The following ST14 variants were observed in gnomAD, a reference collection of about 807,000 sequenced individuals.
ST14 encodes the protein ST14 transmembrane serine protease matriptase.
A neutral mutation model predicts 96.5 loss-of-function variants in ST14; 40 were observed. That is an observed-to-expected ratio of 0.41 (90% CI 0.32 to 0.54). The LOEUF (loss-of-function observed/expected upper bound fraction) is 0.54. Ranked by LOEUF, ST14 falls within the 20% of genes least tolerant of loss-of-function variation. The probability of loss-of-function intolerance (pLI) is 0.17; values close to 1 mark genes in which losing one functional copy is unlikely to be tolerated. For missense variants in ST14, 1,066 were observed against 1,188.9 expected, an observed-to-expected ratio of 0.90 and a Z score of 1.52; for synonymous variants, 506 against 492.1, an observed-to-expected ratio of 1.03 and a Z score of -0.37.
At chr11:130,160,623 G>A (rs903676255) in intron 1 of ST14, among the ~76,000 whole-genome samples, 1 of 152,208 alleles carries the variant, frequency 6.6e-6, no homozygotes, top group Non-Finnish European at 1.5e-5. Context: ...AGGGGATGGA[G>A]CCCTTTGGGA....
chr11:130,196,454 T>TC lies in ST14; in HGVS notation c.1223+10dup, dbSNP rs1209783853. ...GTGGAGATCAACGGGGAGAAGTGAG[T>TC]CCCCGGGGGTATGGGGGCTGCCGGG... On this transcript the variant is annotated splice_region_variant and intron_variant, in intron 10 of 18. Transcript: ENST00000278742. 6.2e-7 allele frequency: 1 copy of TC among 1,602,600 alleles called. No individual in the cohort carries two copies. Among genetic ancestry groups the TC allele is most frequent in the Non-Finnish European group, 8.5e-7 (1 of 1,174,498 alleles).
chr11:130,206,052 A>G (rs552530524), intron 16 of ST14, among the ~76,000 whole-genome samples: 176 of 152,290 alleles, frequency 1.2e-3, no homozygotes, highest in Middle Eastern at 3.4e-3. Context: ...CACGCCTTGT[A>G]TTTAGTCATT....
rs1024544948 is a variant in ST14, at chr11:130,181,049, T to G, written c.82-7065T>G. Among the ~76,000 whole-genome samples, 2 of 151,946 alleles carry G rather than the reference T, an allele frequency of 1.3e-5. No individual in the cohort carries two copies. Among genetic ancestry groups the G allele is most frequent in the Non-Finnish European group, 2.9e-5 (2 of 67,970 alleles). On this transcript the variant is annotated intron_variant, in intron 1 of 18. Coordinates refer to ENST00000278742, the MANE Select transcript of ST14 (RefSeq NM_021978.4). This position sits in a 1 kb window ranked among gnomAD's most constrained non-coding sequence, Gnocchi z 4.1. ...TCCCTGCTGGGTGGGATGGCAGTGGTCCCTCTTGGGTGAGATGGTGGTGGT... is the reference window on the plus strand; with the variant it reads ...TCCCTGCTGGGTGGGATGGCAGTGGGCCCTCTTGGGTGAGATGGTGGTGGT...
intron 1 of ST14, among the ~76,000 whole-genome samples, chr11:130,176,049 C>T (rs1454136038): frequency 6.6e-6 from 1 of 151,066 alleles, no homozygotes; most frequent in Non-Finnish European, 1.5e-5. Context: ...GGATGCAATG[C>T]GTTTCTGTGC....
At chr11:130,185,839 A>C (rs1029310675) in intron 1 of ST14, among the ~76,000 whole-genome samples, 1 of 151,990 alleles carries the variant, frequency 6.6e-6, no homozygotes, top group African/African-American at 2.4e-5. Flanking sequence ...ACAGAGTTTT[A>C]CCCTGTCACC....
chr11:130,160,142 C>T, intron 1 of ST14, 82 bp downstream of exon 1: 3 of 1,004,750 alleles, frequency 3.0e-6, no homozygotes, highest in African/African-American at 3.4e-5. Context: ...TCGGCCGGCT[C>T]CCCTGGCGTG....
rs542010199 is a variant in ST14, at chr11:130,160,012, G to A, written c.33G>A (p.Gly11=). The change falls in exon 1 of 19, where the codon GGG becomes GGA. Residue 11 remains glycine (G), a synonymous_variant. Transcript: ENST00000278742. ...GCGATCGGGCCCGCAAGGGCGGAGG[G>A]GGCCCGAAGGACTTCGGCGCGGGAC... MGSDRARKGG[G]GPKDFGAGLK... is the part of the protein sequence containing the mutation. 5.9e-5 allele frequency: 84 copies of A among 1,426,140 alleles called. No homozygotes were observed. Among genetic ancestry groups the A allele is most frequent in the Non-Finnish European group, 7.7e-5 (83 of 1,081,156 alleles). The allele number at this position is 1,426,140 out of a possible 1,614,324, so 88.3% of individuals were successfully genotyped here.
intron 1 of ST14, among the ~76,000 whole-genome samples, chr11:130,172,700 A>T (rs1272754886): frequency 6.6e-6 from 1 of 151,780 alleles, no homozygotes; most frequent in Non-Finnish European, 1.5e-5. Context: ...TACAGGCGTG[A>T]ACCACCGCGC....
rs2136208320 is a variant in ST14 at position 130,181,101 on chromosome 11, G to C, written c.82-7013G>C. 6.6e-6 allele frequency among the ~76,000 whole-genome samples: 1 copy of C among 151,978 alleles called. No individual in the cohort carries two copies. The highest frequency in any genetic ancestry group is 2.1e-4 in the South Asian group (1 of 4,798). On this transcript the variant is annotated intron_variant, in intron 1 of 18. Transcript: ENST00000278742. The surrounding 1 kb of genome is among the most constrained non-coding windows in gnomAD (Gnocchi z 4.1). ...TGATCTTGTCCCTGCTGGATGGGAT[G>C]GCGGTGGTCTGATTTTGTCCCTGCT...
At chr11:130,185,726 A>G (rs902882410) in intron 1 of ST14, among the ~76,000 whole-genome samples, 5 of 152,248 alleles carry the variant, frequency 3.3e-5, no homozygotes, top group African/African-American at 1.2e-4. Flanking sequence ...AGTCATAAGT[A>G]AAAGATAATG....
At chr11:130,205,153 A>C (rs1245132632) in intron 16 of ST14, among the ~76,000 whole-genome samples, 1 of 152,040 alleles carries the variant, frequency 6.6e-6, no homozygotes, top group African/African-American at 2.4e-5. Flanking sequence ...TTTGAGACAG[A>C]GTCTCACTCT....
intron 1 of ST14, among the ~76,000 whole-genome samples, chr11:130,166,827 T>C (rs565329549): frequency 6.6e-6 from 1 of 152,308 alleles, no homozygotes; most frequent in East Asian, 1.9e-4. Flanking sequence ...CCCCTATGTT[T>C]TTATTTGGTT....
chr11:130,189,239 T>G, intron 4 of ST14: 1 of 533,046 alleles, frequency 1.9e-6, no homozygotes, highest in Non-Finnish European at 3.4e-6. Context: ...TATGGGGGAG[T>G]TGGGGTACTC....
At chr11:130,196,505 A>G in intron 10 of ST14, 57 bp downstream of exon 10, 1 of 1,576,646 alleles carries the variant, frequency 6.3e-7, no homozygotes, top group Non-Finnish European at 8.7e-7. Context: ...GAGGGGTCCC[A>G]CCAGACCCCC....
intron 1 of ST14, among the ~76,000 whole-genome samples, chr11:130,184,574 C>T (rs1038793092): frequency 6.6e-6 from 1 of 152,204 alleles, no homozygotes; most frequent in African/African-American, 2.4e-5. Flanking sequence ...ATGGTCTCTT[C>T]TCTGCCAGGC....
intron 11 of ST14, 82 bp from the exon 12 acceptor site, chr11:130,197,759 G>T: frequency 8.3e-7 from 1 of 1,207,280 alleles, no homozygotes; most frequent in Non-Finnish European, 1.2e-6. Context: ...GTGGCTGGGA[G>T]GTTGGCCCGA....
chr11:130,160,865 C>T (rs536361694), intron 1 of ST14, among the ~76,000 whole-genome samples: 124 of 152,312 alleles, frequency 8.1e-4, no homozygotes, highest in African/African-American at 2.9e-3. Context: ...TCTACCCTCT[C>T]TGTCCAAGGC....
intron 12 of ST14, among the ~76,000 whole-genome samples, 155 bp downstream of exon 12, chr11:130,198,100 C>A (rs1475801316): frequency 1.3e-5 from 2 of 152,192 alleles, no homozygotes; most frequent in Non-Finnish European, 2.9e-5. Flanking sequence ...CCACTCCCCA[C>A]CCTGCCATAT....
chr11:130,169,983 C>T (rs767609980), intron 1 of ST14, among the ~76,000 whole-genome samples: 1 of 152,038 alleles, frequency 6.6e-6, no homozygotes, highest in Non-Finnish European at 1.5e-5. Context: ...GCAGCTGGGC[C>T]GGGAAGTAGG....
Sources: allele counts gnomAD v4.1 joint callset (sites outside exome capture counted in the v4.1 genomes callset), GRCh38; gene constraint gnomAD v4.1.1; non-coding constraint Gnocchi (gnomAD v3.1); transcripts MANE v1.5; gene names NCBI Gene and HGNC (gene_info 2026-07-23, HGNC 2026-07-21).